RBFOX1: variants seen among roughly 807,000 people sequenced by gnomAD.
RBFOX1 encodes the protein RNA binding protein fox-1 homolog 1.
A neutral mutation model predicts 57.7 loss-of-function variants in RBFOX1; 8 were observed. The observed-to-expected ratio is 0.14, with a 90% CI of 0.08 to 0.25. RBFOX1 has a LOEUF of 0.25. Among genes scored for constraint, RBFOX1 ranks in the 10% least tolerant of loss-of-function variants. The pLI is 1.00. For synonymous variants in RBFOX1, 326 were observed against 222.4 expected, an observed-to-expected ratio of 1.47 and a Z score of -4.15; for missense variants, 611 against 548.5, an observed-to-expected ratio of 1.11 and a Z score of -1.14.
chr16:7,379,232 T>C (rs1041974585), intron 4 of RBFOX1, among the ~76,000 whole-genome samples: 4 of 152,208 alleles, frequency 2.6e-5, no homozygotes, highest in Non-Finnish European at 5.9e-5. Context: ...GACGTTTAGC[T>C]TTTTGATTTC....
chr16:5,927,289 G>A (rs2058958136), intron 4 of RBFOX1, among the ~76,000 whole-genome samples: 1 of 152,332 alleles, frequency 6.6e-6, no homozygotes, highest in African/African-American at 2.4e-5. Context: ...AAATATATAT[G>A]TGTGTGGCAA....
intron 3 of RBFOX1, among the ~76,000 whole-genome samples, chr16:6,866,388 A>C (rs2059911202): frequency 6.6e-6 from 1 of 151,996 alleles, no homozygotes. Flanking sequence ...ATAAAGAAGA[A>C]AAAAAATCAA....
chr16:6,622,707 C>T (rs1192192599), intron 2 of RBFOX1, among the ~76,000 whole-genome samples: 4 of 152,110 alleles, frequency 2.6e-5, no homozygotes, highest in African/African-American at 7.2e-5. Flanking sequence ...TCTCTTTCCT[C>T]CTGAGATTTT....
chr16:5,975,731 C>T (rs17718492), intron 4 of RBFOX1, among the ~76,000 whole-genome samples: 1,973 of 152,250 alleles, frequency 0.013, 13 homozygotes, highest in Non-Finnish European at 0.021. Flanking sequence ...CTTGGGGTTG[C>T]AATCTAGGTT....
intron 4 of RBFOX1, among the ~76,000 whole-genome samples, chr16:5,973,176 G>A (rs574975042): frequency 6.6e-6 from 1 of 152,274 alleles, no homozygotes; most frequent in East Asian, 1.9e-4. Flanking sequence ...AGGAGTGGTG[G>A]AGAGAACTGG....
At chr16:7,693,415 C>CTTTT in intron 14 of RBFOX1, 1 of 973,482 alleles carries the variant, frequency 1.0e-6, no homozygotes, top group East Asian at 3.2e-5. Context: ...GTCTCAGTAT[C>CTTTT]CTTTTTTTTT....
At position 6,433,956 on chromosome 16, in the gene RBFOX1, C is replaced by G. The variant is rs555906616; in HGVS notation, c.-64+116899C>G. Among the ~76,000 whole-genome samples, 3 of 150,534 alleles carry G rather than the reference C, an allele frequency of 2.0e-5. No homozygotes were observed. The East Asian group carries it at 5.9e-4, about 30-fold the overall frequency. The stretch of plus-strand genomic sequence containing the variant: ...TCCACCTCCCGGGTTCAAGCAATTT[C>G]CATGCCTCATCCTCCCAAGTAGCTG... On this transcript the variant is annotated intron_variant, in intron 2 of 15. Transcript: ENST00000550418.
At chr16:6,210,605 C>T (rs532297004) in intron 1 of RBFOX1, among the ~76,000 whole-genome samples, 79 of 151,948 alleles carry the variant, frequency 5.2e-4, no homozygotes, top group African/African-American at 1.9e-3. Context: ...GTCTGTGGTC[C>T]CAACTACTTG....
chr16:5,448,593 G>A (rs974369947), intron 1 of RBFOX1, among the ~76,000 whole-genome samples: 5 of 152,148 alleles, frequency 3.3e-5, no homozygotes, highest in African/African-American at 9.7e-5. Flanking sequence ...GAACTGCACT[G>A]AGTGGGTACT....
intron 2 of RBFOX1, among the ~76,000 whole-genome samples, chr16:6,653,123 C>T (rs929110528): frequency 2.0e-5 from 3 of 152,142 alleles, no homozygotes; most frequent in Non-Finnish European, 4.4e-5. Flanking sequence ...TTCTCTTCCC[C>T]AGTGGGCTAC....
chr16:6,931,614 C>T (rs765698049), intron 3 of RBFOX1, among the ~76,000 whole-genome samples: 2 of 152,138 alleles, frequency 1.3e-5, no homozygotes, highest in African/African-American at 2.4e-5. Context: ...ACAACCACCA[C>T]AATGCTTTGT....
At chr16:7,097,414 C>G (rs1481011951) in intron 4 of RBFOX1, among the ~76,000 whole-genome samples, 1 of 152,092 alleles carries the variant, frequency 6.6e-6, no homozygotes. Context: ...ATCCCCATCT[C>G]CCATGCAACA....
rs189614378 is a variant in RBFOX1, at chr16:6,679,917, G to T, written c.-16+25267G>T. 2.2e-3 allele frequency among the ~76,000 whole-genome samples: 223 copies of T among 99,668 alleles called. 1 individual carries two copies. The highest frequency in any genetic ancestry group is 0.01 in the African/African-American group (211 of 20,998). 65.4% of individuals were successfully genotyped at this position (99,668 alleles called of 152,430 possible). A position where few individuals can be genotyped will look rare whatever the true frequency, so the allele number is the denominator to read the frequency against. On this transcript the variant is annotated intron_variant, in intron 3 of 15. Transcript: ENST00000550418. Reference sequence around the variant, plus strand: ...TTTTTTTTTTTTTTCATACTTTTCTGAGCTTTGCCTAATGGTCTCATGGAG... The same window carrying T: ...TTTTTTTTTTTTTTCATACTTTTCTTAGCTTTGCCTAATGGTCTCATGGAG...
chr16:7,674,830 T>G (rs1050728254), intron 13 of RBFOX1, among the ~76,000 whole-genome samples: 3 of 152,202 alleles, frequency 2.0e-5, no homozygotes, highest in African/African-American at 7.2e-5. Flanking sequence ...TTTATCGGAC[T>G]CGCTGCCTTC....
intron 4 of RBFOX1, among the ~76,000 whole-genome samples, chr16:7,385,915 GTTAC>G (rs773743516): frequency 1.1e-4 from 10 of 89,040 alleles, no homozygotes; most frequent in South Asian, 7.8e-4. Flanking sequence ...ACCATGCCCA[GTTAC>G]TTATTTATTT....
chr16:5,843,005 C>G (rs1489720559), intron 3 of RBFOX1, among the ~76,000 whole-genome samples: 1 of 151,258 alleles, frequency 6.6e-6, no homozygotes, highest in African/African-American at 2.4e-5. Flanking sequence ...TCTTTTTTTT[C>G]TTTAGTAGAG....
intron 4 of RBFOX1, among the ~76,000 whole-genome samples, chr16:7,477,217 G>C (rs1249179676): frequency 6.6e-6 from 1 of 152,164 alleles, no homozygotes; most frequent in East Asian, 1.9e-4. Context: ...CTCTTGGGTT[G>C]TTCAGGGTAG....
chr16:5,299,246 C>A (rs911232167), intron 1 of RBFOX1, among the ~76,000 whole-genome samples: 7 of 152,018 alleles, frequency 4.6e-5, no homozygotes, highest in Admixed American at 4.6e-4. Context: ...TCAATCCATA[C>A]TGTGTATATC....
chr16:5,942,022 A>G (rs1003193991), intron 4 of RBFOX1, among the ~76,000 whole-genome samples: 4 of 151,948 alleles, frequency 2.6e-5, no homozygotes, highest in Non-Finnish European at 5.9e-5. Flanking sequence ...GAAATCAGTC[A>G]TTAGTAAGGC....
Sources: gnomAD v4.1 joint callset for allele counts (sites outside exome capture counted in the v4.1 genomes callset) on GRCh38, gnomAD v4.1.1 for gene constraint, MANE v1.5 for transcripts, NCBI Gene and HGNC (gene_info 2026-07-23, HGNC 2026-07-21) for gene names.